Variants in AJM1 observed in about 807,000 individuals in gnomAD.
AJM1 encodes the protein apical junction component 1 homolog, also known as uncharacterized protein C9orf172.
A neutral mutation model predicts 43.0 loss-of-function variants in AJM1; 22 were observed. The ratio of observed to expected loss-of-function variants is 0.51; its 90% confidence interval spans 0.37 to 0.73. The LOEUF (loss-of-function observed/expected upper bound fraction) is 0.73, where lower values mean the gene tolerates loss of function less well. Ranked by LOEUF, AJM1 falls within the 30% of genes least tolerant of loss-of-function variation. AJM1 has a pLI of 0.00. For missense variants in AJM1, 1,305 were observed against 1,343.3 expected (o/e 0.97, Z 0.45); for synonymous variants, 719 against 638.3 (o/e 1.13, Z -1.91).
intron 1 of AJM1, among the ~76,000 whole-genome samples, chr9:136,843,549 G>A (rs1042894232): frequency 1.3e-5 from 2 of 152,258 alleles, no homozygotes; most frequent in African/African-American, 4.8e-5. Context: ...CCCTAGGGGG[G>A]TGTCCTGTGC....
In AJM1 at chr9:136,845,866, C is replaced by G. The variant is rs753322469; in HGVS notation, c.1452C>G (p.Ser484=). The G allele has an allele frequency of 1.7e-5, 26 of 1,558,820 alleles. No individual in the cohort carries two copies. Among genetic ancestry groups the G allele is most frequent in the Non-Finnish European group, 2.3e-5 (26 of 1,153,696 alleles). The stretch of plus-strand genomic sequence containing the variant: ...AGGTGCGGGAGCCGCGAGGCGTGTC[C>G]CCCGAAGGCCGGCGCCCGCCCGTCG... ...GREVREPRGV[S]PEGRRPPVVV... is the part of the protein sequence containing the mutation. The change falls in exon 3 of 3, where the codon TCC becomes TCG. Residue 484 remains serine, a synonymous_variant. Coordinates refer to ENST00000436881, the MANE Select transcript of AJM1 (RefSeq NM_001080482.5).
chr9:136,845,578 G>T lies in AJM1; in HGVS notation c.1164G>T (p.Leu388=). 1 of 1,587,734 alleles carries T rather than the reference G, an allele frequency of 6.3e-7. No individual in the cohort carries two copies. The change falls in exon 3 of 3, where the codon CTG becomes CTT. Residue 388 remains leucine, a synonymous_variant. Coordinates refer to ENST00000436881, the MANE Select transcript of AJM1 (RefSeq NM_001080482.5). The stretch of plus-strand genomic sequence containing the variant: ...GAAGGTACCGCGAGCGTGACGTCCT[G>T]GCTCGGACGTACCCGCACCCGCGCA... ...DFGRYRERDV[L]ARTYPHPRSS... is the part of the protein sequence containing the mutation.
In AJM1 at chr9:136,844,595, G is replaced by T. The variant is rs761952191; in HGVS notation, c.181G>T (p.Gly61Trp). 7 of 1,584,554 alleles carry T rather than the reference G, an allele frequency of 4.4e-6. No homozygotes were observed. The highest frequency in any genetic ancestry group is 2.7e-5 in the African/African-American group (2 of 74,096). Reference protein sequence around the residue: ...RSFDFLEALDGPAMETLPEPP... With the variant: ...RSFDFLEALDWPAMETLPEPP... ...CTTCGACTTCCTGGAGGCGCTGGACGGGCCGGCCATGGAGACCCTGCCGGA... is the reference window on the plus strand; with the variant it reads ...CTTCGACTTCCTGGAGGCGCTGGACTGGCCGGCCATGGAGACCCTGCCGGA... Residue 61 changes from glycine (G) to tryptophan (W), a missense_variant, in exon 3 of 3, where the codon GGG (glycine) becomes TGG (tryptophan). Gly to Trp is a radical substitution (Grantham distance 184). Around this residue, in one of 6 missense-constraint regions of AJM1, gnomAD observed 128 missense variants for 120.6 expected, o/e 1.06. Coordinates refer to ENST00000436881, the MANE Select transcript of AJM1 (RefSeq NM_001080482.5).
At position 136,844,656 on chromosome 9, in the gene AJM1, G is replaced by T. The variant is rs1182168658; in HGVS notation, c.242G>T (p.Arg81Leu). 1.1e-5 allele frequency: 16 copies of T among 1,486,384 alleles called. No homozygotes were observed. The highest frequency in any genetic ancestry group is 1.3e-5 in the Non-Finnish European group (15 of 1,120,600). The allele number at this position is 1,486,384 out of a possible 1,614,324, so 92.1% of individuals were successfully genotyped here. The change falls in exon 3 of 3, where the codon CGG (arginine) becomes CTG (leucine). Residue 81 changes from arginine to leucine, a missense_variant. This residue lies in a region of AJM1 where 128 missense variants were observed against 120.6 expected (regional missense o/e 1.06). Transcript: ENST00000436881. Reference sequence around the variant, plus strand: ...CCGGAGTCCGCTGTGCCGCGCGCCCGGACCCGCGAAGCCGAGCCACGCCGC... The same window carrying T: ...CCGGAGTCCGCTGTGCCGCGCGCCCTGACCCGCGAAGCCGAGCCACGCCGC... ...PPPESAVPRA[R>L]TREAEPRRRA...
chr9:136,846,832 C>G lies in AJM1; in HGVS notation c.2418C>G (p.Tyr806Ter), dbSNP rs764269882. The change falls in exon 3 of 3, where the codon TAC becomes TAG. Residue 806 changes from tyrosine (Y) to a stop codon, truncating the protein, a stop_gained. Transcript: ENST00000436881. LOFTEE classifies it high-confidence loss of function. Reference protein sequence around the residue: ...ARELAAAGRLYEPAECFLLSV... With the variant: ...ARELAAAGRL ...AGCTGGCGGCCGCTGGGCGCCTCTA[C>G]GAACCGGCAGAGTGCTTCCTGCTCA... The G allele has an allele frequency of 6.3e-7, 1 of 1,588,888 alleles. No homozygotes were observed. The highest frequency in any genetic ancestry group is 8.5e-7 in the Non-Finnish European group (1 of 1,174,960).
chr9:136,845,994 GGT>G lies in AJM1; in HGVS notation c.1581_1582del (p.Trp527Ter). 6.4e-7 allele frequency: 1 copy of G among 1,552,046 alleles called. No individual in the cohort carries two copies. The highest frequency in any genetic ancestry group is 8.7e-7 in the Non-Finnish European group (1 of 1,149,422). On this transcript the variant is annotated stop_gained and frameshift_variant, in exon 3 of 3. Coordinates refer to ENST00000436881, the MANE Select transcript of AJM1 (RefSeq NM_001080482.5). LOFTEE classifies it high-confidence loss of function. ...GCGGGCGAGGGCCTGGGCCGCAACTGGTACGTGACGCCCGAGATCACCATCAC... is the reference window on the plus strand; with the variant it reads ...GCGGGCGAGGGCCTGGGCCGCAACTGACGTGACGCCCGAGATCACCATCAC...
chr9:136,846,775 A>G lies in AJM1; in HGVS notation c.2361A>G (p.Thr787=). Residue 787 remains threonine, a synonymous_variant, in exon 3 of 3, where the codon ACA becomes ACG. Transcript: ENST00000436881. The part of the protein sequence containing the change: ...PTYLSLRELA[T]HAAPLGSYAR... ...ACCTATCGCTGCGTGAGCTGGCCAC[A>G]CACGCGGCGCCCCTGGGCAGCTACG... 6.3e-7 allele frequency: 1 copy of G among 1,596,094 alleles called. No homozygotes were observed. Among genetic ancestry groups the G allele is most frequent in the Non-Finnish European group, 8.5e-7 (1 of 1,176,140 alleles).
Position 136,845,546 on chromosome 9 carries a change from G to A in AJM1, c.1132G>A (p.Asp378Asn), listed in dbSNP as rs757602551. 5.0e-6 allele frequency: 8 copies of A among 1,595,736 alleles called. No homozygotes were observed. The highest frequency in any genetic ancestry group is 4.5e-5 in the South Asian group (4 of 89,018). The change falls in exon 3 of 3, where the codon GAC becomes AAC. Residue 378 changes from aspartate to asparagine, a missense_variant. By Grantham distance (23) the Asp-to-Asn change is conservative (BLOSUM62 1). Coordinates refer to ENST00000436881, the MANE Select transcript of AJM1 (RefSeq NM_001080482.5). ...CACCGCCCGCCCCTTTTACACGGAG[G>A]ACTTCGGAAGGTACCGCGAGCGTGA... ...HSTARPFYTE[D>N]FGRYRERDVL...
At position 136,845,304 on chromosome 9, in the gene AJM1, G is replaced by C. The variant is rs777538201; in HGVS notation, c.890G>C (p.Ser297Thr). The change falls in exon 3 of 3, where the codon AGT (serine) becomes ACT (threonine). Residue 297 changes from serine to threonine, a missense_variant. Ser to Thr is a moderately conservative substitution (Grantham distance 58). Transcript: ENST00000436881. ...PQGFRGSFAA[S>T]PGPTFDAYYP... The stretch of plus-strand genomic sequence containing the variant: ...GGCTTCCGGGGCAGCTTTGCAGCCA[G>C]TCCCGGCCCAACCTTCGACGCCTAC... 1.9e-6 allele frequency: 3 copies of C among 1,611,594 alleles called. No homozygotes were observed. The highest frequency in any genetic ancestry group is 2.7e-5 in the African/African-American group (2 of 74,910).
In AJM1 at chr9:136,846,414, A is replaced by G. The variant is rs752438543; in HGVS notation, c.2000A>G (p.Asn667Ser). 7 of 1,590,102 alleles carry G rather than the reference A, an allele frequency of 4.4e-6. No individual in the cohort carries two copies. Among genetic ancestry groups the G allele is most frequent in the Non-Finnish European group, 5.9e-6 (7 of 1,176,560 alleles). ...GAGGACGACCTGATGACCTGCTCCA[A>G]TGCGCGCTGCCGGCGCACCGAGACC... ...ADEDDLMTCS[N>S]ARCRRTETMF... is the part of the protein sequence containing the mutation. The change falls in exon 3 of 3, where the codon AAT (asparagine) becomes AGT (serine). Residue 667 changes from asparagine to serine, a missense_variant. Coordinates refer to ENST00000436881, the MANE Select transcript of AJM1 (RefSeq NM_001080482.5).
Position 136,846,589 on chromosome 9 carries a change from T to G in AJM1, c.2175T>G (p.Phe725Leu), listed in dbSNP as rs1254386912. The G allele has an allele frequency of 3.1e-6, 5 of 1,591,406 alleles. No homozygotes were observed. The highest frequency in any genetic ancestry group is 4.3e-6 in the Non-Finnish European group (5 of 1,175,240). ...VGSVCRHVLQ[F>L]CRDSGPVHRA... ...GCGTGTGCCGCCACGTACTGCAGTT[T>G]TGCCGCGACAGCGGCCCGGTGCACC... is the stretch of plus-strand genomic sequence containing the variant. Residue 725 changes from phenylalanine to leucine, a missense_variant, in exon 3 of 3, where the codon TTT becomes TTG. This residue lies in a region of AJM1 where 391 missense variants were observed against 507.5 expected (regional missense o/e 0.77). Transcript: ENST00000436881.
At position 136,846,937 on chromosome 9, in the gene AJM1, G is replaced by A. The variant is rs1848784992; in HGVS notation, c.2523G>A (p.Gly841=). Residue 841 remains glycine (G), a synonymous_variant, in exon 3 of 3, where the codon GGG becomes GGA. Transcript: ENST00000436881. The part of the protein sequence containing the change: ...ALPAPAPRSH[G]PTVRKFAKVA... The stretch of plus-strand genomic sequence containing the variant: ...CCGCGCCCGCGCCACGCAGCCACGG[G>A]CCAACAGTGCGCAAGTTCGCCAAGG... The A allele has an allele frequency of 7.1e-6, 10 of 1,405,150 alleles. No individual in the cohort carries two copies. Among genetic ancestry groups the A allele is most frequent in the East Asian group, 2.9e-5 (1 of 34,120 alleles). The allele number at this position is 1,405,150 out of a possible 1,614,324, so 87.0% of individuals were successfully genotyped here.
intron 1 of AJM1, among the ~76,000 whole-genome samples, chr9:136,842,854 G>A (rs1848721585): frequency 6.6e-6 from 1 of 152,124 alleles, no homozygotes; most frequent in African/African-American, 2.4e-5. Context: ...GGGTGTCACC[G>A]ACAGCTGCAG....
rs771064957 is a variant in AJM1 at position 136,845,154 on chromosome 9, C to A, written c.740C>A (p.Ala247Glu). 9 of 1,579,994 alleles carry A rather than the reference C, an allele frequency of 5.7e-6. No homozygotes were observed. Among genetic ancestry groups the A allele is most frequent in the South Asian group, 1.1e-5 (1 of 89,614 alleles). ...RTPTPSDSYC[A>E]DPRAFYCDGP... ...CCGACGCCCAGCGACTCATACTGTGCGGATCCCCGGGCGTTCTACTGCGAC... is the reference window on the plus strand; with the variant it reads ...CCGACGCCCAGCGACTCATACTGTGAGGATCCCCGGGCGTTCTACTGCGAC... The change falls in exon 3 of 3, where the codon GCG becomes GAG. Residue 247 changes from alanine to glutamate, a missense_variant. By Grantham distance (107) the Ala-to-Glu change is moderately radical. This residue lies in a region of AJM1 where 653 missense variants were observed against 549.1 expected (regional missense o/e 1.19). Transcript: ENST00000436881.
rs564387831 is a variant in AJM1, at chr9:136,842,837, C to T, written c.-144+248C>T. Among the ~76,000 whole-genome samples, 347 of 152,198 alleles carry T rather than the reference C, an allele frequency of 2.3e-3. 1 individual carries two copies. Among genetic ancestry groups the T allele is most frequent in the African/African-American group, 7.7e-3 (321 of 41,544 alleles). ...AGGGCCGACCCCACCCCCATCCCCACGGGAGGGGGTGTCACCGACAGCTGC... is the reference window on the plus strand; with the variant it reads ...AGGGCCGACCCCACCCCCATCCCCATGGGAGGGGGTGTCACCGACAGCTGC... On this transcript the variant is annotated intron_variant, in intron 1 of 2. Coordinates refer to ENST00000436881, the MANE Select transcript of AJM1 (RefSeq NM_001080482.5).
In AJM1 at chr9:136,847,089, G is replaced by GGC. The variant is rs766028366; in HGVS notation, c.2685_2686dup (p.Glu896AlafsTer59). ...CTGGATCAGGACGGCGAGGCGGGCC[G>GGC]GCGCGCGCGCGAGGTGGCCTTCATC... On this transcript the variant is annotated frameshift_variant, in exon 3 of 3. Transcript: ENST00000436881. LOFTEE classifies it high-confidence loss of function. The GGC allele has an allele frequency of 1.6e-5, 24 of 1,495,172 alleles. No homozygotes were observed. The highest frequency in any genetic ancestry group is 2.0e-5 in the Non-Finnish European group (22 of 1,118,898). 92.6% of individuals were successfully genotyped at this position (1,495,172 alleles called of 1,614,324 possible).
rs749015039 is a variant in AJM1 at position 136,845,180 on chromosome 9, G to A, written c.766G>A (p.Gly256Arg). 8 of 1,587,998 alleles carry A rather than the reference G, an allele frequency of 5.0e-6. No individual in the cohort carries two copies. The highest frequency in any genetic ancestry group is 3.4e-5 in the Admixed American group (2 of 58,850). ...CADPRAFYCD[G>R]PLPGPRDYAE... The stretch of plus-strand genomic sequence containing the variant: ...GGATCCCCGGGCGTTCTACTGCGAC[G>A]GGCCCCTGCCTGGGCCCCGGGACTA... The change falls in exon 3 of 3, where the codon GGG becomes AGG. Residue 256 changes from glycine (G) to arginine (R), a missense_variant. Physicochemically the swap from Gly to Arg is moderately radical, Grantham distance 125. This residue lies in a region of AJM1 where 653 missense variants were observed against 549.1 expected (regional missense o/e 1.19). Transcript: ENST00000436881.
intron 1 of AJM1, among the ~76,000 whole-genome samples, chr9:136,843,882 C>T (rs1036751266): frequency 6.6e-6 from 1 of 152,166 alleles, no homozygotes; most frequent in African/African-American, 2.4e-5. Flanking sequence ...GTGACGGGGG[C>T]GCAGTCACTG....
rs1848815575 is a variant in AJM1, at chr9:136,848,714, CCT to C, written c.*1370_*1371del. On this transcript the variant is annotated 3_prime_UTR_variant, in exon 3 of 3. Transcript: ENST00000436881. ...CAGGGCCTCTGCATTCGGCCCCACCCCTGAGGGCCGGCCGGGAACGCCCCTGG... is the reference window on the plus strand; with the variant it reads ...CAGGGCCTCTGCATTCGGCCCCACCCGAGGGCCGGCCGGGAACGCCCCTGG... 6.6e-6 allele frequency: 1 copy of C among 152,664 alleles called. No individual in the cohort carries two copies. Among genetic ancestry groups the C allele is most frequent in the South Asian group, 1.9e-4 (1 of 5,156 alleles). The allele number at this position is 152,664 out of a possible 1,614,324, so 9.5% of individuals were successfully genotyped here.
Sources: gnomAD v4.1 joint callset for allele counts (sites outside exome capture counted in the v4.1 genomes callset) on GRCh38, gnomAD v4.1.1 for gene constraint, gnomAD v4.1.1 regional missense constraint, MANE v1.5 for transcripts, NCBI Gene and HGNC (gene_info 2026-07-23, HGNC 2026-07-21) for gene names.